The following TBL1XR1 variants were observed in gnomAD, a reference collection of about 807,000 sequenced individuals.
TBL1XR1 encodes TBL1X/Y related 1.
TBL1XR1 carries 5 observed loss-of-function variants against 66.9 expected under a neutral mutation model. That is an observed-to-expected ratio of 0.07 (90% confidence interval 0.04 to 0.16). The LOEUF is 0.16. Among genes scored for constraint, TBL1XR1 ranks in the 10% least tolerant of loss-of-function variants. The probability of loss-of-function intolerance (pLI) is 1.00; values close to 1 mark genes in which losing one functional copy is unlikely to be tolerated. For synonymous variants in TBL1XR1, 210 were observed against 206.0 expected (o/e 1.02, Z -0.17); for missense variants, 238 against 623.2 (o/e 0.38, Z 6.58).
At chr3:177,200,986 G>A (rs535824075), upstream of TBL1XR1, among the ~76,000 whole-genome samples, 77 of 150,912 alleles carry the variant, frequency 5.1e-4, 1 homozygote, top group South Asian at 0.016. Context: ...CAGCCTAGGC[G>A]ACAGAGTGAG....
chr3:177,033,895 A>C (rs573442891), intron 13 of TBL1XR1, among the ~76,000 whole-genome samples: 1 of 152,262 alleles, frequency 6.6e-6, no homozygotes, highest in East Asian at 1.9e-4. Context: ...CAAAGGTATA[A>C]GAATGATATA....
intron 1 of TBL1XR1, among the ~76,000 whole-genome samples, chr3:177,158,843 T>A (rs1731832179): frequency 6.6e-6 from 1 of 152,112 alleles, no homozygotes; most frequent in Non-Finnish European, 1.5e-5. Flanking sequence ...GCCCCTCAAG[T>A]AATATTAAAG....
At chr3:177,032,716 C>T (rs949058887) in intron 14 of TBL1XR1, 1 of 294,748 alleles carries the variant, frequency 3.4e-6, no homozygotes, top group Non-Finnish European at 6.2e-6. Context: ...TAAACATTCA[C>T]ATCTGATATC....
chr3:177,114,607 G>GT (rs932885087), intron 1 of TBL1XR1, among the ~76,000 whole-genome samples: 1 of 151,572 alleles, frequency 6.6e-6, no homozygotes, highest in African/African-American at 2.4e-5. Flanking sequence ...GCCAATATAT[G>GT]TATTTCAAAA....
chr3:177,048,504 C>T (rs1318148787), intron 7 of TBL1XR1, among the ~76,000 whole-genome samples: 1 of 152,170 alleles, frequency 6.6e-6, no homozygotes, highest in East Asian at 1.9e-4. Flanking sequence ...CTGGGAACTG[C>T]AGACTCAATT....
At chr3:177,144,357 G>A (rs1729988098) in intron 1 of TBL1XR1, among the ~76,000 whole-genome samples, 1 of 152,130 alleles carries the variant, frequency 6.6e-6, no homozygotes, top group Non-Finnish European at 1.5e-5. Context: ...TCCATCTTAA[G>A]CCAAGGTTAG....
intron 2 of TBL1XR1, among the ~76,000 whole-genome samples, chr3:177,065,793 T>C (rs1158854768): frequency 1.3e-5 from 2 of 152,228 alleles, no homozygotes; most frequent in East Asian, 1.9e-4. Flanking sequence ...CCTGTTACAA[T>C]TACTCAATTC....
chr3:177,110,637 T>C (rs1205540260), intron 1 of TBL1XR1, among the ~76,000 whole-genome samples: 1 of 152,170 alleles, frequency 6.6e-6, no homozygotes, highest in Non-Finnish European at 1.5e-5. Context: ...CTATTGTAAA[T>C]GCACAGGAAT....
intron 1 of TBL1XR1, among the ~76,000 whole-genome samples, chr3:177,112,107 A>ATATATATTTTTT: frequency 4.8e-4 from 18 of 37,642 alleles, no homozygotes; most frequent in African/African-American, 2.0e-3. Context: ...ATATATATAT[A>ATATATATTTTTT]TTTTTTTTTT....
At chr3:177,090,692 T>C (rs1350001841) in intron 2 of TBL1XR1, among the ~76,000 whole-genome samples, 1 of 152,064 alleles carries the variant, frequency 6.6e-6, no homozygotes, top group Non-Finnish European at 1.5e-5. Flanking sequence ...GCACCTGTAG[T>C]TCCAGTTGCC....
chr3:177,177,322 C>T (rs1262153459), intron 1 of TBL1XR1, among the ~76,000 whole-genome samples: 2 of 151,760 alleles, frequency 1.3e-5, no homozygotes, highest in African/African-American at 4.9e-5. Flanking sequence ...TGGTGGCGTG[C>T]GCCCGTTATC....
chr3:177,177,979 G>A (rs935971366), intron 1 of TBL1XR1, among the ~76,000 whole-genome samples: 8 of 152,208 alleles, frequency 5.3e-5, no homozygotes, highest in African/African-American at 1.9e-4. Context: ...AGTAATTTCA[G>A]TGTAACCTCT....
chr3:177,037,120 T>C (rs13433685), intron 12 of TBL1XR1, among the ~76,000 whole-genome samples: 37,719 of 152,138 alleles, frequency 0.25, 5,040 homozygotes, highest in East Asian at 0.5. Context: ...GATTCTCTGC[T>C]ATGTATCAGT....
intron 5 of TBL1XR1, among the ~76,000 whole-genome samples, chr3:177,051,060 G>T (rs932014662): frequency 6.6e-6 from 1 of 151,980 alleles, no homozygotes; most frequent in Non-Finnish European, 1.5e-5. Flanking sequence ...ATCAAATGTA[G>T]ATGTAAAAAT....
At chr3:177,128,353 C>A (rs1727892089) in intron 1 of TBL1XR1, among the ~76,000 whole-genome samples, 1 of 152,178 alleles carries the variant, frequency 6.6e-6, no homozygotes, top group Admixed American at 6.5e-5. Flanking sequence ...TCTCATATAA[C>A]TTATGACACA....
chr3:177,058,140 A>G (rs1474947894), intron 3 of TBL1XR1, among the ~76,000 whole-genome samples: 1 of 152,228 alleles, frequency 6.6e-6, no homozygotes, highest in Non-Finnish European at 1.5e-5. Flanking sequence ...ACTGGTAAAA[A>G]AGGCAAAGCT....
chr3:177,106,122 G>GGCCT (rs755808472), intron 1 of TBL1XR1, among the ~76,000 whole-genome samples: 18 of 151,430 alleles, frequency 1.2e-4, no homozygotes, highest in South Asian at 8.4e-4. Context: ...AACAGAAAGG[G>GGCCT]GCCTAAAAAG....
chr3:177,043,970 T>C (rs570070504), intron 10 of TBL1XR1, among the ~76,000 whole-genome samples: 4 of 152,294 alleles, frequency 2.6e-5, no homozygotes, highest in Non-Finnish European at 5.9e-5. Context: ...CCTACCTTTT[T>C]ACCTAAGATT....
At chr3:177,102,808 A>T (rs1724393141) in intron 1 of TBL1XR1, among the ~76,000 whole-genome samples, 1 of 152,108 alleles carries the variant, frequency 6.6e-6, no homozygotes, top group African/African-American at 2.4e-5. Context: ...GATCAGGCCC[A>T]ATCAGCTTCC....
Sources: gnomAD v4.1 joint callset for allele counts (sites outside exome capture counted in the v4.1 genomes callset) on GRCh38, gnomAD v4.1.1 for gene constraint, MANE v1.5 for transcripts, NCBI Gene and HGNC (gene_info 2026-07-23, HGNC 2026-07-21) for gene names.